ADH4: variants seen among roughly 807,000 people sequenced by gnomAD.
ADH4 encodes the protein all-trans-retinol dehydrogenase [NAD(+)] ADH4.
In ADH4, 31 loss-of-function variants were observed where a neutral mutation model predicts 35.2. The observed-to-expected ratio is 0.88, with a 90% CI of 0.66 to 1.19. The LOEUF (loss-of-function observed/expected upper bound fraction) is 1.19, where lower values mean the gene tolerates loss of function less well. Ranked by LOEUF, ADH4 falls within the 50% of genes most tolerant of loss-of-function variation. The probability of loss-of-function intolerance (pLI) is 0.00; values close to 1 mark genes in which losing one functional copy is unlikely to be tolerated. For missense variants in ADH4, 476 were observed against 458.3 expected, an observed-to-expected ratio of 1.04 and a Z score of -0.35; for synonymous variants, 171 against 160.2, an observed-to-expected ratio of 1.07 and a Z score of -0.51.
chr4:99,141,656 A>G lies in ADH4; in HGVS notation c.147T>C (p.Thr49=). ...ATTTAGAATCGATAACAGTGGCATC[A>G]GTATGGCACAGAGAGGTAGCAATGA... ...IQIIATSLCH[T]DATVIDSKFE... The change falls in exon 3 of 9, where the codon ACT becomes ACC. Residue 49 remains threonine (T), a synonymous_variant. Transcript: ENST00000265512. 6.2e-7 allele frequency: 1 copy of G among 1,614,108 alleles called. No homozygotes were observed. Among genetic ancestry groups the G allele is most frequent in the Non-Finnish European group, 8.5e-7 (1 of 1,179,956 alleles).
intron 8 of ADH4, among the ~76,000 whole-genome samples, chr4:99,126,014 A>C (rs577436097): frequency 6.6e-6 from 1 of 151,996 alleles, no homozygotes; most frequent in African/African-American, 2.4e-5. Context: ...CCCAACCCCT[A>C]AGAATCTTCC....
At chr4:99,126,791 C>A in intron 7 of ADH4, 59 bp from the exon 8 acceptor site, 1 of 1,487,434 alleles carries the variant, frequency 6.7e-7, no homozygotes, top group Non-Finnish European at 9.1e-7. Flanking sequence ...GTAGTTTAAT[C>A]AGCATTTGCT....
chr4:99,125,865 A>G (rs1002339151), intron 8 of ADH4, among the ~76,000 whole-genome samples: 3 of 152,032 alleles, frequency 2.0e-5, no homozygotes, highest in African/African-American at 2.4e-5. Context: ...CTTTTGTTGT[A>G]TCTTCTCTTT....
chr4:99,136,416 C>A (rs1438888856), intron 5 of ADH4, 50 bp downstream of exon 5: 2 of 1,480,874 alleles, frequency 1.4e-6, no homozygotes, highest in Non-Finnish European at 1.9e-6. Flanking sequence ...CTGTATCACA[C>A]TGCCTCCTAG....
intron 6 of ADH4, among the ~76,000 whole-genome samples, chr4:99,128,693 A>G (rs1579393530): frequency 6.6e-6 from 1 of 152,134 alleles, no homozygotes; most frequent in East Asian, 1.9e-4. Flanking sequence ...AAATGATTTC[A>G]TCTATAAAAT....
At chr4:99,140,955 C>T (rs4502688) in intron 3 of ADH4, among the ~76,000 whole-genome samples, 149,428 of 152,006 alleles carry the variant, frequency 0.98, 73,455 homozygotes, top group Middle Eastern at 1. Context: ...ACTTGTGTCA[C>T]GGAAGTTTGG....
At chr4:99,138,915 A>C in intron 4 of ADH4, 146 bp downstream of exon 4, 1 of 558,812 alleles carries the variant, frequency 1.8e-6, no homozygotes, top group Non-Finnish European at 3.1e-6. Flanking sequence ...CTTTGTGTGC[A>C]CTTGCAATAG....
Position 99,131,650 on chromosome 4 carries a change from C to T in ADH4, c.697G>A (p.Glu233Lys). 1 of 1,614,150 alleles carries T rather than the reference C, an allele frequency of 6.2e-7. No homozygotes were observed. Among genetic ancestry groups the T allele is most frequent in the Non-Finnish European group, 8.5e-7 (1 of 1,180,014 alleles). The change falls in exon 6 of 9, where the codon GAG (glutamate) becomes AAG (lysine). Residue 233 changes from glutamate (E) to lysine (K), a missense_variant. Physicochemically the swap from Glu to Lys is moderately conservative, Grantham distance 56. Transcript: ENST00000265512. ...SRIIGIDINS[E>K]KFVKAKALGA... ...AGGGCTTTAGCCTTCACAAACTTCT[C>T]ACTGTTGATGTCAATACCTATGATT...
intron 5 of ADH4, 85 bp from the exon 6 acceptor site, chr4:99,131,849 T>C: frequency 1.4e-6 from 2 of 1,403,912 alleles, no homozygotes; most frequent in Non-Finnish European, 1.9e-6. Context: ...AGTGGGGGCA[T>C]GAACATATGA....
chr4:99,139,189 T>TA, intron 3 of ADH4, 41 bp from the exon 4 acceptor site: 1 of 1,327,308 alleles, frequency 7.5e-7, no homozygotes, highest in Middle Eastern at 1.8e-4. Context: ...CCTAAGGTGT[T>TA]ACTTATAGCT....
In ADH4 at chr4:99,142,778, A is replaced by G; in HGVS notation, c.21T>C (p.Val7=). 1 of 1,597,834 alleles carries G rather than the reference A, an allele frequency of 6.3e-7. No homozygotes were observed. The highest frequency in any genetic ancestry group is 1.1e-5 in the South Asian group (1 of 88,120). The change falls in exon 2 of 9, where the codon GTT becomes GTC. Residue 7 remains valine (V), a splice_region_variant and synonymous_variant. Transcript: ENST00000265512. MGTKGK[V]IKCKAAIAWE... is the part of the protein sequence containing the mutation. Reference sequence around the variant, plus strand: ...AGGCGATGGCTGCTTTGCATTTAATAACCTGAAAGAGAGAAAGAAAAGGAA... The same window carrying G: ...AGGCGATGGCTGCTTTGCATTTAATGACCTGAAAGAGAGAAAGAAAAGGAA...
chr4:99,142,991 T>C (rs1022657915), intron 1 of ADH4: 6 of 655,040 alleles, frequency 9.2e-6, no homozygotes. Context: ...TTCTACATTA[T>C]AGTCATTACA....
At chr4:99,126,354 GA>G (rs1729088990) in intron 8 of ADH4, among the ~76,000 whole-genome samples, 1 of 152,148 alleles carries the variant, frequency 6.6e-6, no homozygotes, top group South Asian at 2.1e-4. Flanking sequence ...AATGGTTTGT[GA>G]AATGGAAATT....
At position 99,131,524 on chromosome 4, in the gene ADH4, C is replaced by T; in HGVS notation, c.823G>A (p.Ala275Thr). The T allele has an allele frequency of 6.2e-7, 1 of 1,613,342 alleles. No homozygotes were observed. The highest frequency in any genetic ancestry group is 1.1e-5 in the South Asian group (1 of 91,048). ...KGGVDFALDC[A>T]GGSETMKAAL... ...CATACCATGGTTTCAGATCCACCTG[C>T]ACAGTCAAGGGCAAAATCCACACCT... is the stretch of plus-strand genomic sequence containing the variant. Residue 275 changes from alanine (A) to threonine (T), a missense_variant, in exon 6 of 9, where the codon GCA (alanine) becomes ACA (threonine). Ala to Thr is a moderately conservative substitution (Grantham distance 58). Transcript: ENST00000265512.
chr4:99,129,690 T>C (rs1729215315), intron 6 of ADH4, among the ~76,000 whole-genome samples: 1 of 152,198 alleles, frequency 6.6e-6, no homozygotes, highest in Non-Finnish European at 1.5e-5. Context: ...ATTATAAGTT[T>C]TTTTCCTCCA....
At chr4:99,135,388 C>T (rs29001183) in intron 5 of ADH4, among the ~76,000 whole-genome samples, 32,040 of 152,028 alleles carry the variant, frequency 0.21, 4,050 homozygotes, top group Non-Finnish European at 0.29. Flanking sequence ...ATGATCATGC[C>T]ACTGCATTTT....
At chr4:99,138,910 T>C (rs1579402821) in intron 4 of ADH4, 151 bp downstream of exon 4, 1 of 552,632 alleles carries the variant, frequency 1.8e-6, no homozygotes, top group East Asian at 3.0e-5. Flanking sequence ...TGTTTCTTTG[T>C]GTGCACTTGC....
chr4:99,138,467 CG>C (rs1203110876), intron 4 of ADH4, among the ~76,000 whole-genome samples: 1 of 152,074 alleles, frequency 6.6e-6, no homozygotes, highest in African/African-American at 2.4e-5. Flanking sequence ...GCCATACTGC[CG>C]GGGTTAAAAA....
intron 6 of ADH4, 100 bp downstream of exon 6, chr4:99,131,404 G>C (rs29001207): frequency 0.044 from 58,088 of 1,320,678 alleles, 1,485 homozygotes; most frequent in Middle Eastern, 0.12. Flanking sequence ...TCATCCATTT[G>C]AAAGTACTAA....
Sources: gnomAD v4.1 joint callset for allele counts (sites outside exome capture counted in the v4.1 genomes callset) on GRCh38, gnomAD v4.1.1 for gene constraint, MANE v1.5 for transcripts, NCBI Gene and HGNC (gene_info 2026-07-23, HGNC 2026-07-21) for gene names.